The following CARTPT variants were observed in gnomAD, a reference collection of about 807,000 sequenced individuals.
CARTPT encodes CART prepropeptide.
In CARTPT, 6 loss-of-function variants were observed where a neutral mutation model predicts 12.2. The observed-to-expected ratio is 0.49, with a 90% CI of 0.27 to 0.97. The LOEUF (loss-of-function observed/expected upper bound fraction) is 0.97, where lower values mean the gene tolerates loss of function less well. CARTPT is among the 50% of genes least tolerant of loss of function. The probability of loss-of-function intolerance (pLI) is 0.12; values close to 1 mark genes in which losing one functional copy is unlikely to be tolerated. For missense variants in CARTPT, 135 were observed against 142.0 expected (o/e 0.95, Z 0.25); for synonymous variants, 75 against 64.1 (o/e 1.17, Z -0.82).
chr5:71,719,629 C>T (rs1748665655), intron 1 of CARTPT, 177 bp downstream of exon 1: 1 of 823,886 alleles, frequency 1.2e-6, no homozygotes, highest in Non-Finnish European at 2.0e-6. Context: ...GGGCTCCTGG[C>T]AGTCTGTTGA....
Position 71,719,426 on chromosome 5 carries a change from G to C in CARTPT, c.133G>C (p.Asp45His). 1.9e-6 allele frequency: 3 copies of C among 1,614,164 alleles called. No homozygotes were observed. The highest frequency in any genetic ancestry group is 2.5e-6 in the Non-Finnish European group (3 of 1,180,030). ...AGCCCTGGACATCTACTCTGCCGTG[G>C]ATGATGCCTCCCACGAGAAGGAGCT... ...PRALDIYSAV[D>H]DASHEKELIE... The change falls in exon 1 of 3, where the codon GAT becomes CAT. Residue 45 changes from aspartate to histidine, a missense_variant. Coordinates refer to ENST00000296777, the MANE Select transcript of CARTPT (RefSeq NM_004291.4).
At chr5:71,720,042 C>A (rs892979451) in intron 2 of CARTPT, 79 bp downstream of exon 2, 5 of 1,258,074 alleles carry the variant, frequency 4.0e-6, no homozygotes, top group Non-Finnish European at 5.8e-6. Flanking sequence ...CAGTCTTCTC[C>A]GTAGGATGTG....
In CARTPT at chr5:71,720,810, G is replaced by T. The variant is rs1748694100; in HGVS notation, c.*195G>T. ...TGTGTGAAGAATAATGCCTTGTATGGTGTTGATACGTGTGTGAAGTATTCT... is the reference window on the plus strand; with the variant it reads ...TGTGTGAAGAATAATGCCTTGTATGTTGTTGATACGTGTGTGAAGTATTCT... On this transcript the variant is annotated 3_prime_UTR_variant, in exon 3 of 3. Coordinates refer to ENST00000296777, the MANE Select transcript of CARTPT (RefSeq NM_004291.4). The T allele has an allele frequency of 1.7e-6, 1 of 592,570 alleles. No homozygotes were observed. The highest frequency in any genetic ancestry group is 1.9e-5 in the African/African-American group (1 of 53,842). 36.7% of individuals were successfully genotyped at this position (592,570 alleles called of 1,614,324 possible).
Position 71,719,333 on chromosome 5 carries a change from G to T in CARTPT, c.40G>T (p.Ala14Ser). 6.2e-7 allele frequency: 1 copy of T among 1,613,546 alleles called. No homozygotes were observed. The highest frequency in any genetic ancestry group is 8.5e-7 in the Non-Finnish European group (1 of 1,180,026). The change falls in exon 1 of 3, where the codon GCC becomes TCC. Residue 14 changes from alanine (A) to serine (S), a missense_variant. By Grantham distance (99) the Ala-to-Ser change is moderately conservative. Coordinates refer to ENST00000296777, the MANE Select transcript of CARTPT (RefSeq NM_004291.4). ...SRVRLLPLLG[A>S]ALLLMLPLLG... Reference sequence around the variant, plus strand: ...CGTGAGGCTGCTGCCCCTCCTGGGCGCCGCCCTGCTGCTGATGCTACCTCT... The same window carrying T: ...CGTGAGGCTGCTGCCCCTCCTGGGCTCCGCCCTGCTGCTGATGCTACCTCT...
chr5:71,720,465 T>TG, intron 2 of CARTPT, 43 bp from the exon 3 acceptor site: 1 of 1,557,564 alleles, frequency 6.4e-7, no homozygotes, highest in African/African-American at 1.4e-5. Flanking sequence ...GTTGGGAACC[T>TG]GGGTTTGTTC....
Position 71,720,810 on chromosome 5 carries a change from G to A in CARTPT, c.*195G>A. 1.7e-6 allele frequency: 1 copy of A among 592,570 alleles called. No homozygotes were observed. The allele number at this position is 592,570 out of a possible 1,614,324, so 36.7% of individuals were successfully genotyped here. A position where few individuals can be genotyped will look rare whatever the true frequency, so the allele number is the denominator to read the frequency against. On this transcript the variant is annotated 3_prime_UTR_variant, in exon 3 of 3. Transcript: ENST00000296777. ...TGTGTGAAGAATAATGCCTTGTATG[G>A]TGTTGATACGTGTGTGAAGTATTCT... is the stretch of plus-strand genomic sequence containing the variant.
Position 71,720,501 on chromosome 5 carries a change from G to A in CARTPT, c.244-7G>A, listed in dbSNP as rs1044317503. ...ATACTCGATGACCACACATTTTGTTGTTTCAGTGTGACGCCGGTGAGCAGT... is the reference window on the plus strand; with the variant it reads ...ATACTCGATGACCACACATTTTGTTATTTCAGTGTGACGCCGGTGAGCAGT... On this transcript the variant is annotated splice_region_variant and splice_polypyrimidine_tract_variant and intron_variant, in intron 2 of 2. Coordinates refer to ENST00000296777, the MANE Select transcript of CARTPT (RefSeq NM_004291.4). 1 of 1,609,108 alleles carries A rather than the reference G, an allele frequency of 6.2e-7. No homozygotes were observed. Among genetic ancestry groups the A allele is most frequent in the Non-Finnish European group, 8.5e-7 (1 of 1,177,890 alleles).
Position 71,720,575 on chromosome 5 carries a change from G to A in CARTPT, c.311G>A (p.Arg104Gln), listed in dbSNP as rs34981086. The change falls in exon 3 of 3, where the codon CGA becomes CAA. Residue 104 changes from arginine to glutamine, a missense_variant. By Grantham distance (43) the Arg-to-Gln change is conservative. Transcript: ENST00000296777. ...ARIGKLCDCPRGTSCNSFLLK... is the reference protein window; with the variant it reads ...ARIGKLCDCPQGTSCNSFLLK... ...ATCGGGAAGCTGTGTGACTGTCCCC[G>A]AGGAACCTCCTGCAATTCCTTCCTC... is the stretch of plus-strand genomic sequence containing the variant. The A allele has an allele frequency of 6.2e-7, 1 of 1,612,456 alleles. No homozygotes were observed. Among genetic ancestry groups the A allele is most frequent in the Non-Finnish European group, 8.5e-7 (1 of 1,179,448 alleles).
Position 71,720,873 on chromosome 5 carries a change from G to T in CARTPT, c.*258G>T. 2.1e-6 allele frequency: 1 copy of T among 465,254 alleles called. No individual in the cohort carries two copies. The highest frequency in any genetic ancestry group is 2.4e-5 in the South Asian group (1 of 41,196). 28.8% of individuals were successfully genotyped at this position (465,254 alleles called of 1,614,324 possible). ...CTGACAAACTCTTGTGTACCTTTGT[G>T]TAAAGAAGGGAAGCTTTGTTTGAAA... On this transcript the variant is annotated 3_prime_UTR_variant, in exon 3 of 3. Transcript: ENST00000296777.
rs780947474 is a variant in CARTPT, at chr5:71,720,499, T to C, written c.244-9T>C. The C allele has an allele frequency of 9.9e-6, 16 of 1,608,276 alleles. No individual in the cohort carries two copies. The highest frequency in any genetic ancestry group is 1.7e-5 in the Admixed American group (1 of 59,406). On this transcript the variant is annotated splice_polypyrimidine_tract_variant and intron_variant, in intron 2 of 2. Coordinates refer to ENST00000296777, the MANE Select transcript of CARTPT (RefSeq NM_004291.4). ...TCATACTCGATGACCACACATTTTG[T>C]TGTTTCAGTGTGACGCCGGTGAGCA...
intron 1 of CARTPT, 82 bp from the exon 2 acceptor site, chr5:71,719,798 T>C (rs1210000161): frequency 1.5e-6 from 2 of 1,340,004 alleles, no homozygotes; most frequent in Non-Finnish European, 2.1e-6. Context: ...CGGGGCTCCT[T>C]ATAACTAGGG....
chr5:71,720,383 C>A, intron 2 of CARTPT, 125 bp from the exon 3 acceptor site: 1 of 788,978 alleles, frequency 1.3e-6, no homozygotes, highest in Non-Finnish European at 2.2e-6. Context: ...GTACGTAGAC[C>A]TCTTGTGATG....
In CARTPT at chr5:71,720,848, C is replaced by T. The variant is rs1430432415; in HGVS notation, c.*233C>T. ...TGTGAAGTATTCTTATTTTATTTGT[C>T]TGACAAACTCTTGTGTACCTTTGTG... On this transcript the variant is annotated 3_prime_UTR_variant, in exon 3 of 3. Transcript: ENST00000296777. 1 of 517,582 alleles carries T rather than the reference C, an allele frequency of 1.9e-6. No homozygotes were observed. The highest frequency in any genetic ancestry group is 3.2e-5 in the Admixed American group (1 of 31,274). The allele number at this position is 517,582 out of a possible 1,614,324, so 32.1% of individuals were successfully genotyped here. A position where few individuals can be genotyped will look rare whatever the true frequency, so the allele number is the denominator to read the frequency against.
chr5:71,720,773 A>C lies in CARTPT; in HGVS notation c.*158A>C. The C allele has an allele frequency of 1.5e-6, 1 of 680,618 alleles. No individual in the cohort carries two copies. The highest frequency in any genetic ancestry group is 1.8e-5 in the African/African-American group (1 of 56,416). 42.2% of individuals were successfully genotyped at this position (680,618 alleles called of 1,614,324 possible). On this transcript the variant is annotated 3_prime_UTR_variant, in exon 3 of 3. Transcript: ENST00000296777. Reference sequence around the variant, plus strand: ...TGCTGTTTCAAAAATAAAAGAACACATTAGATGTTACTGTGTGAAGAATAA... The same window carrying C: ...TGCTGTTTCAAAAATAAAAGAACACCTTAGATGTTACTGTGTGAAGAATAA...
At position 71,719,462 on chromosome 5, in the gene CARTPT, C is replaced by A. The variant is rs578035951; in HGVS notation, c.159+10C>A. The A allele has an allele frequency of 1.2e-5, 19 of 1,614,058 alleles. 1 individual carries two copies. The highest frequency in any genetic ancestry group is 3.3e-4 in the Middle Eastern group (2 of 6,060). On this transcript the variant is annotated intron_variant, in intron 1 of 2. Transcript: ENST00000296777. Reference sequence around the variant, plus strand: ...CCACGAGAAGGAGCTGGTCGGTATTCCCCTCGCTCTCGACCCCCTTGAGCT... The same window carrying A: ...CCACGAGAAGGAGCTGGTCGGTATTACCCTCGCTCTCGACCCCCTTGAGCT...
intron 2 of CARTPT, 146 bp from the exon 3 acceptor site, chr5:71,720,362 C>T: frequency 2.7e-6 from 2 of 733,152 alleles, no homozygotes; most frequent in East Asian, 5.4e-5. Flanking sequence ...CTCCCTGTTT[C>T]AGATCTGACT....
intron 2 of CARTPT, 57 bp from the exon 3 acceptor site, chr5:71,720,451 G>C (rs1748684668): frequency 1.3e-6 from 2 of 1,487,884 alleles, no homozygotes; most frequent in South Asian, 2.4e-5. Flanking sequence ...TGTGAGACTT[G>C]CCTGTTGGGA....
intron 1 of CARTPT, 124 bp downstream of exon 1, chr5:71,719,576 C>A: frequency 8.5e-7 from 1 of 1,180,466 alleles, no homozygotes; most frequent in Non-Finnish European, 1.2e-6. Context: ...CTGAGCGCAA[C>A]GCCCAGGCAC....
chr5:71,720,642 C>G lies in CARTPT; in HGVS notation c.*27C>G. The stretch of plus-strand genomic sequence containing the variant: ...GGGGCGTCCATTCTCCTCCATACAT[C>G]CCCATCCCTCTACTTTCCCCAGAGG... On this transcript the variant is annotated 3_prime_UTR_variant, in exon 3 of 3. Transcript: ENST00000296777. 6.5e-7 allele frequency: 1 copy of G among 1,529,700 alleles called. No homozygotes were observed. Among genetic ancestry groups the G allele is most frequent in the Non-Finnish European group, 9.0e-7 (1 of 1,115,452 alleles). The allele number at this position is 1,529,700 out of a possible 1,614,324, so 94.8% of individuals were successfully genotyped here.
Sources: allele counts gnomAD v4.1 joint callset, GRCh38; gene constraint gnomAD v4.1.1; transcripts MANE v1.5; gene names NCBI Gene and HGNC (gene_info 2026-07-23, HGNC 2026-07-21).